The following DYNLT5 variants were observed in gnomAD, a reference collection of about 807,000 sequenced individuals.
The protein encoded by DYNLT5 is dynein light chain Tctex-type 5.
A neutral mutation model predicts 19.3 loss-of-function variants in DYNLT5; 25 were observed. The observed-to-expected ratio is 1.30, with a 90% CI of 0.95 to 1.81. DYNLT5 has a LOEUF of 1.81. Among genes scored for constraint, DYNLT5 ranks in the 40% most tolerant of loss-of-function variants. DYNLT5 has a pLI of 0.00. For missense variants in DYNLT5, 232 were observed against 217.9 expected, an observed-to-expected ratio of 1.06 and a Z score of -0.41; for synonymous variants, 82 against 68.9, an observed-to-expected ratio of 1.19 and a Z score of -0.94.
chr1:66,770,451 G>A lies in DYNLT5; in HGVS notation c.184G>A (p.Val62Ile), dbSNP rs759829197. 1.2e-6 allele frequency: 2 copies of A among 1,613,434 alleles called. No individual in the cohort carries two copies. The highest frequency in any genetic ancestry group is 2.2e-5 in the South Asian group (2 of 91,060). Residue 62 changes from valine (V) to isoleucine (I), a missense_variant, in exon 3 of 5, where the codon GTT becomes ATT. By Grantham distance (29) the Val-to-Ile change is conservative. Transcript: ENST00000282670. ...GCGTGATGATATCTCTCGCCTTACAGTTCAGATGGAAAACACCTATCAGTT... is the reference window on the plus strand; with the variant it reads ...GCGTGATGATATCTCTCGCCTTACAATTCAGATGGAAAACACCTATCAGTT... ...SQRDDISRLT[V>I]QMENTYQLGP... is the part of the protein sequence containing the mutation.
At chr1:66,770,522 G>GGTGAC (rs1645197932) in intron 3 of DYNLT5, 44 bp downstream of exon 3, 2 of 1,377,704 alleles carry the variant, frequency 1.5e-6, no homozygotes, top group African/African-American at 2.9e-5. Context: ...CTTCTAAATT[G>GGTGAC]GTGACTGATT....
intron 3 of DYNLT5, 100 bp downstream of exon 3, chr1:66,770,578 G>T (rs1645198193): frequency 2.1e-6 from 2 of 940,404 alleles, no homozygotes; most frequent in Non-Finnish European, 3.5e-6. Context: ...TTCAATTCTA[G>T]CACAATATAA....
At chr1:66,766,540 TA>T (rs994640240) in intron 2 of DYNLT5, among the ~76,000 whole-genome samples, 2 of 152,226 alleles carry the variant, frequency 1.3e-5, no homozygotes, top group African/African-American at 4.8e-5. Context: ...TTTTAAAACA[TA>T]AAACTGTTTT....
chr1:66,770,093 C>G (rs1256896455), intron 2 of DYNLT5, among the ~76,000 whole-genome samples: 2 of 152,026 alleles, frequency 1.3e-5, no homozygotes, highest in South Asian at 4.2e-4. Flanking sequence ...GTACTGTTAC[C>G]CCATACACAT....
intron 3 of DYNLT5, among the ~76,000 whole-genome samples, chr1:66,772,573 A>G (rs1645210167): frequency 6.6e-6 from 1 of 152,264 alleles, no homozygotes. Flanking sequence ...ATAGTTTATC[A>G]TATCTTTACA....
intron 2 of DYNLT5, 151 bp from the exon 3 acceptor site, chr1:66,770,236 C>T: frequency 1.7e-6 from 1 of 598,756 alleles, no homozygotes; most frequent in Non-Finnish European, 3.0e-6. Context: ...ATGTTTTGGA[C>T]TTTCAATATG....
At chr1:66,757,692 T>C (rs111961770) in intron 2 of DYNLT5, among the ~76,000 whole-genome samples, 5 of 152,250 alleles carry the variant, frequency 3.3e-5, no homozygotes, top group African/African-American at 7.2e-5. Flanking sequence ...TTATGTATCA[T>C]AGAAGCTCCA....
chr1:66,756,922 T>C (rs761936654), intron 2 of DYNLT5, among the ~76,000 whole-genome samples: 2 of 152,234 alleles, frequency 1.3e-5, no homozygotes, highest in African/African-American at 2.4e-5. Flanking sequence ...TCTTACACTA[T>C]TCCCCTGGCT....
At chr1:66,757,633 TAAG>T (rs1483500952) in intron 2 of DYNLT5, among the ~76,000 whole-genome samples, 1 of 152,120 alleles carries the variant, frequency 6.6e-6, no homozygotes, top group African/African-American at 2.4e-5. Context: ...TTTATAATAA[TAAG>T]GATGATAATA....
Position 66,754,722 on chromosome 1 carries a change from T to C in DYNLT5, c.64T>C (p.Ser22Pro). The change falls in exon 2 of 5, where the codon TCT becomes CCT. Residue 22 changes from serine to proline, a missense_variant. Coordinates refer to ENST00000282670, the MANE Select transcript of DYNLT5 (RefSeq NM_152665.3). ...TTCATGGAAGAAAAGAGGGAGTATT[T>C]CTTCTCTAAGTAATCATGAATTTTG... The part of the protein sequence containing the change: ...AHSWKKRGSI[S>P]SLSNHEFWRK... The C allele has an allele frequency of 6.2e-7, 1 of 1,613,460 alleles. No individual in the cohort carries two copies. The highest frequency in any genetic ancestry group is 1.1e-5 in the South Asian group (1 of 91,002).
chr1:66,760,826 C>T (rs1020269960), intron 2 of DYNLT5, among the ~76,000 whole-genome samples: 2 of 152,194 alleles, frequency 1.3e-5, no homozygotes, highest in Admixed American at 6.5e-5. Context: ...ACCTCCCTTG[C>T]TCTTGGATGA....
chr1:66,766,821 T>C (rs2094656122), intron 2 of DYNLT5, among the ~76,000 whole-genome samples: 1 of 152,188 alleles, frequency 6.6e-6, no homozygotes, highest in South Asian at 2.1e-4. Flanking sequence ...TAGTCTTAAT[T>C]GATGCACAGT....
At chr1:66,771,128 T>A (rs1266950024) in intron 3 of DYNLT5, among the ~76,000 whole-genome samples, 1 of 152,164 alleles carries the variant, frequency 6.6e-6, no homozygotes, top group Admixed American at 6.6e-5. Context: ...AAAGAAAGAC[T>A]CTATGGGCCA....
At chr1:66,756,165 G>A (rs1213923928) in intron 2 of DYNLT5, among the ~76,000 whole-genome samples, 2 of 152,204 alleles carry the variant, frequency 1.3e-5, no homozygotes, top group East Asian at 3.9e-4. Context: ...AACACATTAG[G>A]ATAGATTTTT....
intron 2 of DYNLT5, among the ~76,000 whole-genome samples, chr1:66,766,257 T>C (rs1195368879): frequency 6.6e-6 from 1 of 152,172 alleles, no homozygotes; most frequent in Non-Finnish European, 1.5e-5. Flanking sequence ...TACAATGAGA[T>C]CACGTGTCTA....
At chr1:66,761,751 C>T (rs1337977411) in intron 2 of DYNLT5, among the ~76,000 whole-genome samples, 2 of 151,970 alleles carry the variant, frequency 1.3e-5, no homozygotes, top group Admixed American at 1.3e-4. Context: ...ATACTCCAGC[C>T]TGGGCAACAG....
rs1645249718 is a variant in DYNLT5 at position 66,778,410 on chromosome 1, T to C, written c.*956T>C. The C allele has an allele frequency of 6.6e-6, 1 of 152,654 alleles. No individual in the cohort carries two copies. Among genetic ancestry groups the C allele is most frequent in the Non-Finnish European group, 1.5e-5 (1 of 68,030 alleles). The allele number at this position is 152,654 out of a possible 1,614,324, so 9.5% of individuals were successfully genotyped here. A position where few individuals can be genotyped will look rare whatever the true frequency, so the allele number is the denominator to read the frequency against. The stretch of plus-strand genomic sequence containing the variant: ...CTAAAATTTACAGGGCTGAAATAGC[T>C]TATTATTCTGCTGGTTAATGTATCT... On this transcript the variant is annotated 3_prime_UTR_variant, in exon 5 of 5. Transcript: ENST00000282670.
At chr1:66,772,879 C>T (rs1325183640) in intron 3 of DYNLT5, among the ~76,000 whole-genome samples, 5 of 152,082 alleles carry the variant, frequency 3.3e-5, no homozygotes, top group East Asian at 1.9e-4. Flanking sequence ...TGGCATCTGT[C>T]GTATCTGAAT....
chr1:66,760,088 A>G (rs950564851), intron 2 of DYNLT5, among the ~76,000 whole-genome samples: 1 of 152,016 alleles, frequency 6.6e-6, no homozygotes, highest in African/African-American at 2.4e-5. Flanking sequence ...TACCTTGACC[A>G]CTTCATTTGA....
Sources: gnomAD v4.1 joint callset for allele counts (sites outside exome capture counted in the v4.1 genomes callset) on GRCh38, gnomAD v4.1.1 for gene constraint, MANE v1.5 for transcripts, NCBI Gene and HGNC (gene_info 2026-07-23, HGNC 2026-07-21) for gene names.